Variants in TCF4 observed in about 807,000 individuals in gnomAD.
TCF4 encodes SL3-3 enhancer factor 2.
In TCF4, 3 loss-of-function variants were observed where a neutral mutation model predicts 82.1. The ratio of observed to expected loss-of-function variants is 0.04; its 90% CI spans 0.02 to 0.09. The LOEUF is 0.09. Ranked by LOEUF, TCF4 falls within the 10% of genes least tolerant of loss-of-function variation. TCF4 has a pLI of 1.00. For missense variants in TCF4, 518 were observed against 852.7 expected (o/e 0.61, Z 4.89); for synonymous variants, 276 against 309.6 (o/e 0.89, Z 1.14).
At chr18:55,339,999 C>T (rs1289914065) in intron 8 of TCF4, among the ~76,000 whole-genome samples, 2 of 152,180 alleles carry the variant, frequency 1.3e-5, no homozygotes, top group Admixed American at 1.3e-4. Context: ...CACAGGTCTA[C>T]CTAGTCCACA....
At chr18:55,501,961 A>G (rs1434317296) in intron 3 of TCF4, among the ~76,000 whole-genome samples, 1 of 152,220 alleles carries the variant, frequency 6.6e-6, no homozygotes, top group Non-Finnish European at 1.5e-5. Context: ...ATAGATAAGT[A>G]GCAACTCAGA....
intron 2 of TCF4, among the ~76,000 whole-genome samples, chr18:55,626,448 T>C (rs1256738434): frequency 6.6e-6 from 1 of 152,216 alleles, no homozygotes; most frequent in Non-Finnish European, 1.5e-5. Flanking sequence ...TGTTAAAAAG[T>C]TGAGGACATC....
chr18:55,494,003 A>T (rs901207893), intron 3 of TCF4, among the ~76,000 whole-genome samples: 1 of 152,144 alleles, frequency 6.6e-6, no homozygotes, highest in African/African-American at 2.4e-5. Context: ...TTGAGGTCAC[A>T]TTTGATTTTG....
intron 5 of TCF4, among the ~76,000 whole-genome samples, chr18:55,458,668 T>TA (rs2095813718): frequency 6.6e-6 from 1 of 152,208 alleles, no homozygotes; most frequent in Non-Finnish European, 1.5e-5. Flanking sequence ...TCCCCGAATC[T>TA]AGCCTTCAGA....
At chr18:55,402,954 G>C (rs1359842094) in intron 6 of TCF4, among the ~76,000 whole-genome samples, 1 of 151,996 alleles carries the variant, frequency 6.6e-6, no homozygotes, top group Non-Finnish European at 1.5e-5. Flanking sequence ...AAACAATTCA[G>C]AAACAAAAAG....
chr18:55,446,512 G>A (rs1162959830), intron 5 of TCF4, among the ~76,000 whole-genome samples: 1 of 152,138 alleles, frequency 6.6e-6, no homozygotes, highest in Non-Finnish European at 1.5e-5. Context: ...CTTCAAATCT[G>A]GATTCTGCCA....
At chr18:55,372,821 TA>T (rs913337882) in intron 6 of TCF4, among the ~76,000 whole-genome samples, 1 of 152,084 alleles carries the variant, frequency 6.6e-6, no homozygotes, top group African/African-American at 2.4e-5. Flanking sequence ...ACTCAGTAAT[TA>T]AAAATGTGCT....
At chr18:55,527,224 T>C (rs2146625428) in intron 3 of TCF4, among the ~76,000 whole-genome samples, 1 of 152,284 alleles carries the variant, frequency 6.6e-6, no homozygotes, top group South Asian at 2.1e-4. Flanking sequence ...AAACATCGCC[T>C]TCACATACAT....
At chr18:55,618,910 C>A (rs1003216385) in intron 2 of TCF4, among the ~76,000 whole-genome samples, 2 of 151,994 alleles carry the variant, frequency 1.3e-5, no homozygotes, top group African/African-American at 4.8e-5. Flanking sequence ...TTGTTTATTT[C>A]TGGTCTAATC....
At chr18:55,452,052 A>G (rs1388851367) in intron 5 of TCF4, among the ~76,000 whole-genome samples, 2 of 152,216 alleles carry the variant, frequency 1.3e-5, no homozygotes, top group African/African-American at 4.8e-5. Context: ...ATAAAAATGT[A>G]AAAACCTAGA....
chr18:55,252,380 G>A lies in TCF4; in HGVS notation c.1350+2117C>T, dbSNP rs968481069. Among the ~76,000 whole-genome samples the A allele has an allele frequency of 5.4e-5, 8 of 149,340 alleles. 1 individual carries two copies. The highest frequency in any genetic ancestry group is 1.2e-4 in the African/African-American group (5 of 40,696). ...CTTTTGTGTGTGTGTGTGTGTGTGTGTATATCAAGATCAAATTAAAGGGGT... is the reference window on the plus strand; with the variant it reads ...CTTTTGTGTGTGTGTGTGTGTGTGTATATATCAAGATCAAATTAAAGGGGT... On this transcript the variant is annotated intron_variant, in intron 15 of 19. Transcript: ENST00000354452.
chr18:55,453,532 A>G (rs1052090664), intron 5 of TCF4, among the ~76,000 whole-genome samples: 4 of 152,152 alleles, frequency 2.6e-5, no homozygotes, highest in African/African-American at 7.2e-5. Context: ...AGGTCTATAC[A>G]TCTCTGTTGG....
At chr18:55,430,269 T>C (rs1274462414) in intron 5 of TCF4, among the ~76,000 whole-genome samples, 13 of 152,172 alleles carry the variant, frequency 8.5e-5, no homozygotes, top group Admixed American at 5.2e-4. Context: ...TGCCATGCCA[T>C]ACAAACTATG....
intron 8 of TCF4, among the ~76,000 whole-genome samples, chr18:55,332,589 C>T (rs2077793740): frequency 6.6e-6 from 1 of 152,204 alleles, no homozygotes; most frequent in South Asian, 2.1e-4. Flanking sequence ...ACAAAATGAA[C>T]TCTGATTTGT....
rs115507192 is a variant in TCF4, at chr18:55,264,084, C to T, written c.923-2551G>A. Among the ~76,000 whole-genome samples the T allele has an allele frequency of 5.5e-3, 832 of 152,070 alleles. 6 individuals carry two copies. The highest frequency in any genetic ancestry group is 0.019 in the African/African-American group (785 of 41,488). ...GGAGCATTTAAAAACTAAATATATA[C>T]GCCCCAAAAATCACACGTTAGAAGA... On this transcript the variant is annotated intron_variant, in intron 11 of 19. Coordinates refer to ENST00000354452, the MANE Select transcript of TCF4 (RefSeq NM_001083962.2).
intron 2 of TCF4, among the ~76,000 whole-genome samples, chr18:55,597,923 A>C (rs1470054430): frequency 6.6e-6 from 1 of 152,190 alleles, no homozygotes; most frequent in Non-Finnish European, 1.5e-5. Context: ...CATGACATTG[A>C]GGACACAAGA....
At chr18:55,348,892 C>G (rs1034015030) in intron 8 of TCF4, among the ~76,000 whole-genome samples, 3 of 151,980 alleles carry the variant, frequency 2.0e-5, no homozygotes, top group Non-Finnish European at 2.9e-5. Flanking sequence ...TAATATTGTC[C>G]ATATTAAGTT....
At chr18:55,577,212 A>ATTT (rs1491094213) in intron 3 of TCF4, among the ~76,000 whole-genome samples, 3 of 17,810 alleles carry the variant, frequency 1.7e-4, no homozygotes, top group African/African-American at 1.2e-3. Context: ...ATATTTATAT[A>ATTT]AATGTATATA....
At chr18:55,287,097 A>G (rs138591164) in intron 8 of TCF4, among the ~76,000 whole-genome samples, 68 of 152,338 alleles carry the variant, frequency 4.5e-4, no homozygotes, top group Middle Eastern at 3.4e-3. Flanking sequence ...AGTATTTCAC[A>G]ACTATCAAAA....
Sources: gnomAD v4.1 joint callset for allele counts (sites outside exome capture counted in the v4.1 genomes callset) on GRCh38, gnomAD v4.1.1 for gene constraint, MANE v1.5 for transcripts, NCBI Gene and HGNC (gene_info 2026-07-23, HGNC 2026-07-21) for gene names.